The following RFFL variants were observed in gnomAD, a reference collection of about 807,000 sequenced individuals.
RFFL encodes the protein E3 ubiquitin-protein ligase rififylin.
In RFFL, 16 loss-of-function variants were observed where a neutral mutation model predicts 40.4. That is an observed-to-expected ratio of 0.40 (90% CI 0.27 to 0.60). The LOEUF (loss-of-function observed/expected upper bound fraction) is 0.60, where lower values mean the gene tolerates loss of function less well. Ranked by LOEUF, RFFL falls within the 20% of genes least tolerant of loss-of-function variation. The probability of loss-of-function intolerance (pLI) is 0.47; values close to 1 mark genes in which losing one functional copy is unlikely to be tolerated. For missense variants in RFFL, 367 were observed against 451.7 expected, an observed-to-expected ratio of 0.81 and a Z score of 1.70; for synonymous variants, 154 against 167.9, an observed-to-expected ratio of 0.92 and a Z score of 0.64.
intron 1 of RFFL, among the ~76,000 whole-genome samples, chr17:35,039,904 A>G (rs372098408): frequency 2.0e-5 from 3 of 149,098 alleles, no homozygotes; most frequent in Admixed American, 6.7e-5. Flanking sequence ...CAAACACCCA[A>G]CCACAGGTGA....
chr17:35,047,733 G>A (rs543961507), intron 1 of RFFL, among the ~76,000 whole-genome samples: 10 of 149,936 alleles, frequency 6.7e-5, no homozygotes, highest in Admixed American at 2.0e-4. Context: ...GACTACAAGC[G>A]CAAGCCACCA....
In RFFL at chr17:35,006,363, G is replaced by A. The variant is rs922764091; in HGVS notation, c.*5605C>T. 1 of 152,766 alleles carries A rather than the reference G, an allele frequency of 6.5e-6. No individual in the cohort carries two copies. Among genetic ancestry groups the A allele is most frequent in the East Asian group, 1.9e-4 (1 of 5,202 alleles). The allele number at this position is 152,766 out of a possible 1,614,324, so 9.5% of individuals were successfully genotyped here. On this transcript the variant is annotated 3_prime_UTR_variant, in exon 7 of 7. Transcript: ENST00000394597. ...GACTACCACACTGGACAGTGCAGGT[G>A]TAGACGGAGTTCAGATCAGACTCCT...
At chr17:35,074,218 T>A (rs764112277) in intron 1 of RFFL, 2 of 152,200 alleles carry the variant, frequency 1.3e-5, no homozygotes, top group Non-Finnish European at 2.9e-5. Context: ...CAGACAATCA[T>A]AAAAGACACA....
intron 1 of RFFL, among the ~76,000 whole-genome samples, chr17:35,084,311 T>G (rs2091418443): frequency 6.6e-6 from 1 of 151,836 alleles, no homozygotes; most frequent in Non-Finnish European, 1.5e-5. Context: ...AAAGCTAGCT[T>G]CCTGCTGGAC....
upstream of RFFL, among the ~76,000 whole-genome samples, chr17:35,067,475 G>A (rs1293313592): frequency 2.2e-5 from 1 of 46,368 alleles, no homozygotes; most frequent in Non-Finnish European, 4.3e-5. Context: ...TTTTTTTTTT[G>A]AGACAGAGTC....
At chr17:35,015,762 T>C (rs62062371) in intron 5 of RFFL, among the ~76,000 whole-genome samples, 14,231 of 152,288 alleles carry the variant, frequency 0.093, 733 homozygotes, top group South Asian at 0.16. Flanking sequence ...ATTTCTCTTC[T>C]GCAGGACTTC....
intron 1 of RFFL, among the ~76,000 whole-genome samples, chr17:35,037,980 TG>T (rs1275228933): frequency 6.6e-6 from 1 of 152,092 alleles, no homozygotes; most frequent in Non-Finnish European, 1.5e-5. Context: ...TAGCAAATGT[TG>T]ATAAGGATAA....
upstream of RFFL, among the ~76,000 whole-genome samples, chr17:35,067,914 C>T (rs868112714): frequency 2.0e-5 from 3 of 152,088 alleles, no homozygotes; most frequent in African/African-American, 4.8e-5. Context: ...AACATAAGTC[C>T]GCTCACCCAC....
chr17:35,036,048 GGTCA>G (rs1033788787), intron 1 of RFFL, among the ~76,000 whole-genome samples: 1 of 151,952 alleles, frequency 6.6e-6, no homozygotes, highest in African/African-American at 2.4e-5. Context: ...GTCCTAATGT[GGTCA>G]GTTAGAAGTA....
chr17:35,053,960 C>A (rs1248557183), intron 1 of RFFL, among the ~76,000 whole-genome samples: 1 of 152,184 alleles, frequency 6.6e-6, no homozygotes, highest in African/African-American at 2.4e-5. Context: ...GTCTTCAAGA[C>A]TAATTATTTC....
intron 2 of RFFL, among the ~76,000 whole-genome samples, chr17:35,022,933 G>A (rs1423226223): frequency 6.6e-6 from 1 of 152,202 alleles, no homozygotes; most frequent in Non-Finnish European, 1.5e-5. Flanking sequence ...AGCTAGTCTG[G>A]CAGTCGCTGA....
At chr17:35,035,968 G>T (rs774680063) in intron 1 of RFFL, among the ~76,000 whole-genome samples, 1 of 151,996 alleles carries the variant, frequency 6.6e-6, no homozygotes, top group Non-Finnish European at 1.5e-5. Context: ...CTCCCAAAGT[G>T]CTGGAATTAC....
At chr17:35,047,514 G>T (rs989436671) in intron 1 of RFFL, among the ~76,000 whole-genome samples, 1 of 152,164 alleles carries the variant, frequency 6.6e-6, no homozygotes, top group Non-Finnish European at 1.5e-5. Context: ...TTTAAAGAAA[G>T]TACTTTGTTA....
chr17:35,060,552 T>G (rs2091285190), intron 1 of RFFL, among the ~76,000 whole-genome samples: 1 of 152,130 alleles, frequency 6.6e-6, no homozygotes, highest in African/African-American at 2.4e-5. Flanking sequence ...CCAACGCAAA[T>G]AAAACCATAT....
intron 3 of RFFL, among the ~76,000 whole-genome samples, chr17:35,018,051 GTTTGTTT>G (rs936899512): frequency 5.9e-5 from 9 of 152,130 alleles, no homozygotes; most frequent in Middle Eastern, 6.8e-3. Context: ...GTTTTTGTTT[GTTTGTTT>G]TTTGTTTTTC....
intron 1 of RFFL, among the ~76,000 whole-genome samples, chr17:35,059,144 A>C (rs975987730): frequency 6.7e-6 from 1 of 149,604 alleles, no homozygotes; most frequent in African/African-American, 2.5e-5. Context: ...TCGGCCTCCC[A>C]AGTAGGTGGG....
At chr17:35,019,939 G>A (rs1047550368) in intron 3 of RFFL, among the ~76,000 whole-genome samples, 2 of 152,198 alleles carry the variant, frequency 1.3e-5, no homozygotes, top group African/African-American at 4.8e-5. Context: ...GTCAAGAGCT[G>A]AATCAGGGGG....
intron 1 of RFFL, among the ~76,000 whole-genome samples, chr17:35,072,587 GCA>G (rs35045668): frequency 6.8e-6 from 1 of 146,266 alleles, no homozygotes; most frequent in Non-Finnish European, 1.5e-5. Flanking sequence ...ACACACACAT[GCA>G]CACACACACA....
chr17:35,029,068 C>G (rs1249233446), intron 1 of RFFL, among the ~76,000 whole-genome samples: 1 of 151,996 alleles, frequency 6.6e-6, no homozygotes, highest in Non-Finnish European at 1.5e-5. Flanking sequence ...CACATTTGTT[C>G]AATCTTCAGC....
Sources: gnomAD v4.1 joint callset for allele counts (sites outside exome capture counted in the v4.1 genomes callset) on GRCh38, gnomAD v4.1.1 for gene constraint, MANE v1.5 for transcripts, NCBI Gene and HGNC (gene_info 2026-07-23, HGNC 2026-07-21) for gene names.